The following ZCCHC7 variants were observed in gnomAD, a reference collection of about 807,000 sequenced individuals.
ZCCHC7 encodes zinc finger CCHC domain-containing protein 7.
ZCCHC7 carries 35 observed loss-of-function variants against 52.0 expected under a neutral mutation model. The ratio of observed to expected loss-of-function variants is 0.67; its 90% CI spans 0.51 to 0.89. The LOEUF is 0.89. Among genes scored for constraint, ZCCHC7 ranks in the 40% least tolerant of loss-of-function variants. The pLI is 0.00. For synonymous variants in ZCCHC7, 217 were observed against 221.5 expected (o/e 0.98, Z 0.18); for missense variants, 574 against 649.1 (o/e 0.88, Z 1.26).
intron 2 of ZCCHC7, among the ~76,000 whole-genome samples, chr9:37,154,063 G>T (rs767142901): frequency 6.6e-6 from 1 of 151,692 alleles, no homozygotes; most frequent in Non-Finnish European, 1.5e-5. Context: ...CTAATTTTTT[G>T]ATTTTTTGTA....
At chr9:37,320,164 G>A (rs984899022) in intron 5 of ZCCHC7, among the ~76,000 whole-genome samples, 2 of 152,254 alleles carry the variant, frequency 1.3e-5, no homozygotes, top group Admixed American at 1.3e-4. Context: ...TGCAACCTCC[G>A]TCTCCTGGGT....
At chr9:37,252,149 C>T (rs898313506) in intron 2 of ZCCHC7, among the ~76,000 whole-genome samples, 11 of 151,996 alleles carry the variant, frequency 7.2e-5, no homozygotes, top group East Asian at 3.9e-4. Flanking sequence ...TAATATTTCT[C>T]GTTTAAACAG....
intron 2 of ZCCHC7, among the ~76,000 whole-genome samples, chr9:37,164,690 T>C (rs1164316539): frequency 6.6e-6 from 1 of 152,208 alleles, no homozygotes; most frequent in Non-Finnish European, 1.5e-5. Flanking sequence ...TTGATTCTCT[T>C]ACCTCAGACT....
At chr9:37,262,950 G>A (rs917970146) in intron 2 of ZCCHC7, among the ~76,000 whole-genome samples, 107 of 152,298 alleles carry the variant, frequency 7.0e-4, no homozygotes, top group African/African-American at 2.3e-3. Flanking sequence ...TTGGGAAAAA[G>A]AGATTTTCAG....
chr9:37,308,523 C>T (rs1829439136), intron 5 of ZCCHC7, among the ~76,000 whole-genome samples: 2 of 152,012 alleles, frequency 1.3e-5, no homozygotes, highest in African/African-American at 2.4e-5. Context: ...ATTCTATAGG[C>T]CATTCCTCTT....
intron 2 of ZCCHC7, among the ~76,000 whole-genome samples, chr9:37,251,347 T>C (rs1588552623): frequency 1.3e-5 from 2 of 152,360 alleles, no homozygotes; most frequent in Non-Finnish European, 2.9e-5. Context: ...TCCAAATTAT[T>C]GTTCTGCTAT....
Position 37,357,209 on chromosome 9 carries a change from TG to T in ZCCHC7, c.1576del (p.Glu526LysfsTer25). The T allele has an allele frequency of 6.2e-7, 1 of 1,611,454 alleles. No homozygotes were observed. The highest frequency in any genetic ancestry group is 1.1e-5 in the South Asian group (1 of 90,536). On this transcript the variant is annotated frameshift_variant, in exon 9 of 9. Transcript: ENST00000336755. LOFTEE classifies it high-confidence loss of function. Reference protein sequence around the residue: ...RGKQKKKERCWEDDDNDNLFL... With the variant: ...RGKQKKKERCXEDDDNDNLFL... ...CAAGCAGAAGAAAAAGGAGAGGTGCTGGGAAGATGATGACAATGATAACTTA... is the reference window on the plus strand; with the variant it reads ...CAAGCAGAAGAAAAAGGAGAGGTGCTGGAAGATGATGACAATGATAACTTA...
At chr9:37,256,535 T>A (rs1366575097) in intron 2 of ZCCHC7, among the ~76,000 whole-genome samples, 4 of 152,182 alleles carry the variant, frequency 2.6e-5, no homozygotes, top group Non-Finnish European at 4.4e-5. Context: ...GTAGTTTTTT[T>A]AAAAAGCTAG....
At chr9:37,248,255 CA>C (rs1242432825) in intron 2 of ZCCHC7, among the ~76,000 whole-genome samples, 1 of 152,106 alleles carries the variant, frequency 6.6e-6, no homozygotes, top group African/African-American at 2.4e-5. Context: ...TATTTTTGAA[CA>C]AACAGGTTCA....
chr9:37,202,366 T>A (rs1395700205), intron 2 of ZCCHC7, among the ~76,000 whole-genome samples: 2 of 152,228 alleles, frequency 1.3e-5, no homozygotes, highest in Non-Finnish European at 2.9e-5. Context: ...TAAATTTAGC[T>A]CTCAGCTTTG....
At chr9:37,262,482 A>G (rs931262426) in intron 2 of ZCCHC7, among the ~76,000 whole-genome samples, 1 of 152,144 alleles carries the variant, frequency 6.6e-6, no homozygotes. Flanking sequence ...TGATTTCTTA[A>G]TGGCAGTATC....
At chr9:37,344,182 T>TA (rs1820811141) in intron 6 of ZCCHC7, among the ~76,000 whole-genome samples, 1 of 152,170 alleles carries the variant, frequency 6.6e-6, no homozygotes, top group Non-Finnish European at 1.5e-5. Context: ...AGTTATGTCT[T>TA]ATATTTGCAC....
intron 2 of ZCCHC7, among the ~76,000 whole-genome samples, chr9:37,273,420 G>A (rs12004476): frequency 0.02 from 3,118 of 152,186 alleles, 113 homozygotes; most frequent in African/African-American, 0.069. Context: ...GGAGAATGGC[G>A]TGAACCTGGG....
At chr9:37,341,651 G>C (rs1264927798) in intron 6 of ZCCHC7, among the ~76,000 whole-genome samples, 1 of 152,084 alleles carries the variant, frequency 6.6e-6, no homozygotes, top group South Asian at 2.1e-4. Flanking sequence ...AAATAAAATG[G>C]CAGTACAGCA....
intron 5 of ZCCHC7, 193 bp from the exon 6 acceptor site, chr9:37,327,606 G>A: frequency 2.1e-6 from 1 of 485,600 alleles, no homozygotes; most frequent in South Asian, 4.9e-5. Flanking sequence ...ACAATGGCGG[G>A]GAGTGTGTTA....
At chr9:37,198,532 CGTCT>C (rs1272353788) in intron 2 of ZCCHC7, among the ~76,000 whole-genome samples, 1 of 152,162 alleles carries the variant, frequency 6.6e-6, no homozygotes, top group Non-Finnish European at 1.5e-5. Context: ...AGTGCTCACC[CGTCT>C]GTCTATTTTA....
At chr9:37,130,203 A>C (rs1330867209) in intron 2 of ZCCHC7, among the ~76,000 whole-genome samples, 1 of 146,672 alleles carries the variant, frequency 6.8e-6, no homozygotes, top group Non-Finnish European at 1.5e-5. Flanking sequence ...GCACCATTGC[A>C]CTCCAGCCTG....
intron 2 of ZCCHC7, among the ~76,000 whole-genome samples, chr9:37,135,217 A>G (rs1352450241): frequency 2.0e-5 from 3 of 152,224 alleles, no homozygotes; most frequent in Non-Finnish European, 4.4e-5. Flanking sequence ...CATGTAATAA[A>G]TACTTTTTGA....
intron 2 of ZCCHC7, among the ~76,000 whole-genome samples, chr9:37,258,754 T>A (rs1826714769): frequency 1.2e-5 from 1 of 85,072 alleles, no homozygotes; most frequent in Non-Finnish European, 1.9e-5. Context: ...AGATCCTGTC[T>A]CTTAAAAAAA....
Sources: gnomAD v4.1 joint callset for allele counts (sites outside exome capture counted in the v4.1 genomes callset) on GRCh38, gnomAD v4.1.1 for gene constraint, MANE v1.5 for transcripts, NCBI Gene and HGNC (gene_info 2026-07-23, HGNC 2026-07-21) for gene names.